The following ADAR variants were observed in gnomAD, a reference collection of about 807,000 sequenced individuals.
The protein encoded by ADAR is double-stranded RNA-specific adenosine deaminase.
A neutral mutation model predicts 113.2 loss-of-function variants in ADAR; 41 were observed. That is an observed-to-expected ratio of 0.36 (90% CI 0.28 to 0.47). The LOEUF (loss-of-function observed/expected upper bound fraction) is 0.47, where lower values mean the gene tolerates loss of function less well. Ranked by LOEUF, ADAR falls within the 20% of genes least tolerant of loss-of-function variation. ADAR has a pLI of 1.00. For missense variants in ADAR, 1,242 were observed against 1,540.9 expected (o/e 0.81, Z 3.25); for synonymous variants, 605 against 572.6 (o/e 1.06, Z -0.81).
In ADAR at chr1:154,606,054, G is replaced by C. The variant is rs891589922; in HGVS notation, c.15+1938C>G. On this transcript the variant is annotated intron_variant, in intron 1 of 14. Coordinates refer to ENST00000368474, the MANE Select transcript of ADAR (RefSeq NM_001111.5). ...GGAGTCTCGCTCTGTTGCCAAGCTGGAGTGCAGTGGCATGATCTCGGCTCA... is the reference window on the plus strand; with the variant it reads ...GGAGTCTCGCTCTGTTGCCAAGCTGCAGTGCAGTGGCATGATCTCGGCTCA... 6 of 612,364 alleles carry C rather than the reference G, an allele frequency of 9.8e-6. No individual in the cohort carries two copies. The African/African-American group carries it at 1.2e-4, about 12-fold the overall frequency. 37.9% of individuals were successfully genotyped at this position (612,364 alleles called of 1,614,324 possible).
intron 6 of ADAR, among the ~76,000 whole-genome samples, chr1:154,594,579 C>G (rs1332060296): frequency 6.6e-6 from 1 of 152,190 alleles, no homozygotes; most frequent in Admixed American, 6.5e-5. Context: ...TAATTCCACA[C>G]AAAGATGTCT....
At chr1:154,606,935 T>TAA (rs3058643) in intron 1 of ADAR, among the ~76,000 whole-genome samples, 1,968 of 32,596 alleles carry the variant, frequency 0.06, 20 homozygotes, top group South Asian at 0.14. Context: ...AAGGAGTGCT[T>TAA]AAAAAAAAAA....
chr1:154,596,073 C>T (rs1409307357), intron 6 of ADAR, among the ~76,000 whole-genome samples: 3 of 152,174 alleles, frequency 2.0e-5, no homozygotes, highest in African/African-American at 4.8e-5. Flanking sequence ...CCCATGCCAT[C>T]TAGGTTTATG....
chr1:154,609,819 C>T (rs1158749641), upstream of ADAR, among the ~76,000 whole-genome samples: 1 of 152,226 alleles, frequency 6.6e-6, no homozygotes, highest in East Asian at 1.9e-4. Context: ...GAGCGCCATC[C>T]TTTAGCTAGT....
chr1:154,627,918 T>TCCCCCCCCCCCCCCCCC, exon 1 of ADAR: 96 of 399,510 alleles, frequency 2.4e-4, no homozygotes, highest in South Asian at 4.8e-4. Flanking sequence ...GCCGCGACCC[T>TCCCCCCCCCCCCCCCCC]CCCCCCACCC....
upstream of ADAR, among the ~76,000 whole-genome samples, chr1:154,609,147 C>T (rs1189522963): frequency 6.6e-6 from 1 of 152,198 alleles, no homozygotes; most frequent in Non-Finnish European, 1.5e-5. Flanking sequence ...CTGCCAAATC[C>T]AGGTCTGAAG....
At chr1:154,614,421 C>A (rs1245645011) in intron 1 of ADAR, among the ~76,000 whole-genome samples, 1 of 152,210 alleles carries the variant, frequency 6.6e-6, no homozygotes, top group African/African-American at 2.4e-5. Flanking sequence ...GGATCCAGAT[C>A]CAGCCTGTAG....
In ADAR at chr1:154,584,926, T is replaced by C; in HGVS notation, c.3561A>G (p.Lys1187=). 2 of 1,614,186 alleles carry C rather than the reference T, an allele frequency of 1.2e-6. No individual in the cohort carries two copies. Among genetic ancestry groups the C allele is most frequent in the Non-Finnish European group, 1.7e-6 (2 of 1,180,038 alleles). Residue 1187 remains lysine (K), a synonymous_variant, in exon 15 of 15, where the codon AAA becomes AAG. Transcript: ENST00000368474. ...TGGCCGTCTCGTAGTCACGGGCAGCTTTCTTGGCCTCACCATAGGAGAGTC... is the reference window on the plus strand; with the variant it reads ...TGGCCGTCTCGTAGTCACGGGCAGCCTTCTTGGCCTCACCATAGGAGAGTC... ...LLRLSYGEAK[K]AARDYETAKN...
chr1:154,616,137 G>C (rs1698628875), intron 1 of ADAR, among the ~76,000 whole-genome samples: 1 of 152,172 alleles, frequency 6.6e-6, no homozygotes, highest in African/African-American at 2.4e-5. Flanking sequence ...TACAGATAAG[G>C]TTCTCATTCA....
At chr1:154,625,741 A>G (rs1414251390) in intron 1 of ADAR, among the ~76,000 whole-genome samples, 1 of 152,044 alleles carries the variant, frequency 6.6e-6, no homozygotes, top group Non-Finnish European at 1.5e-5. Context: ...ACGGTGGCTC[A>G]TACCTGTAAT....
At chr1:154,605,297 TA>T (rs756557527) in intron 1 of ADAR, among the ~76,000 whole-genome samples, 3 of 152,162 alleles carry the variant, frequency 2.0e-5, no homozygotes, top group Non-Finnish European at 2.9e-5. Flanking sequence ...ACCCTTTCCT[TA>T]TAGAGCTCCT....
chr1:154,613,896 C>T (rs936647909), intron 1 of ADAR, among the ~76,000 whole-genome samples: 10 of 123,852 alleles, frequency 8.1e-5, no homozygotes, highest in African/African-American at 2.8e-4. Context: ...AAGAGCGAAA[C>T]TCCATCTCAA....
At chr1:154,595,695 T>C (rs1697448251) in intron 6 of ADAR, among the ~76,000 whole-genome samples, 1 of 152,132 alleles carries the variant, frequency 6.6e-6, no homozygotes, top group Non-Finnish European at 1.5e-5. Flanking sequence ...TACAGTAAGC[T>C]AAGGTTAATT....
chr1:154,619,982 A>C (rs959614221), intron 1 of ADAR, among the ~76,000 whole-genome samples: 1 of 152,222 alleles, frequency 6.6e-6, no homozygotes, highest in Non-Finnish European at 1.5e-5. Flanking sequence ...TGTCCATAGA[A>C]CCAGGGGCTG....
rs770937947 is a variant in ADAR at position 154,589,828 on chromosome 1, C to T, written c.2597G>A (p.Arg866His). 3 of 1,613,904 alleles carry T rather than the reference C, an allele frequency of 1.9e-6. No homozygotes were observed. Among genetic ancestry groups the T allele is most frequent in the Non-Finnish European group, 2.5e-6 (3 of 1,179,978 alleles). ...TNSFQPSLLG[R>H]KILAAIIMKK... is the part of the protein sequence containing the mutation. ...CATAATGATGGCGGCCAGAATCTTG[C>T]GGCCGAGCAAGGAGGGCTGGAAGCT... Residue 866 changes from arginine to histidine, a missense_variant, in exon 8 of 15, where the codon CGC becomes CAC. Arg to His is a conservative substitution (Grantham distance 29). Coordinates refer to ENST00000368474, the MANE Select transcript of ADAR (RefSeq NM_001111.5).
Position 154,597,888 on chromosome 1 carries a change from TTG to T in ADAR, c.1872_1873del (p.His624GlnfsTer19). 1 of 1,614,126 alleles carries T rather than the reference TTG, an allele frequency of 6.2e-7. No homozygotes were observed. The highest frequency in any genetic ancestry group is 8.5e-7 in the Non-Finnish European group (1 of 1,180,016). On this transcript the variant is annotated frameshift_variant, in exon 4 of 15. Coordinates refer to ENST00000368474, the MANE Select transcript of ADAR (RefSeq NM_001111.5). LOFTEE classifies it high-confidence loss of function. ...ACGGAATTCGCAGGAGTTCCCCAAT[TTG>T]TGCATACACTCAAGCAGTGTGGTGA...
intron 10 of ADAR, 66 bp from the exon 11 acceptor site, chr1:154,588,324 ACAGT>A: frequency 6.2e-7 from 1 of 1,610,872 alleles, no homozygotes; most frequent in Non-Finnish European, 8.5e-7. Context: ...GGGCTCCAAA[ACAGT>A]CAGATGTGAC....
At chr1:154,592,204 G>A (rs1476219909) in intron 6 of ADAR, among the ~76,000 whole-genome samples, 3 of 151,998 alleles carry the variant, frequency 2.0e-5, no homozygotes, top group Admixed American at 6.6e-5. Context: ...AGTGTCCTTC[G>A]CCTAGAACCC....
chr1:154,616,813 G>A (rs1698647782), intron 1 of ADAR, among the ~76,000 whole-genome samples: 1 of 152,192 alleles, frequency 6.6e-6, no homozygotes, highest in Non-Finnish European at 1.5e-5. Context: ...TACCCAGAAC[G>A]AAGGTTAAGA....
Sources: gnomAD v4.1 joint callset for allele counts (sites outside exome capture counted in the v4.1 genomes callset) on GRCh38, gnomAD v4.1.1 for gene constraint, MANE v1.5 for transcripts, NCBI Gene and HGNC (gene_info 2026-07-23, HGNC 2026-07-21) for gene names.